Variants in GNG4 observed in about 807,000 individuals in gnomAD.
GNG4 encodes G protein subunit gamma 4.
Under a neutral mutation model 5.8 loss-of-function variants are expected in GNG4, and 4 were observed. That is an observed-to-expected ratio of 0.69 (90% confidence interval 0.34 to 1.57). The LOEUF is 1.57. Ranked by LOEUF, GNG4 falls within the 40% of genes most tolerant of loss-of-function variation. The pLI is 0.06. For missense variants in GNG4, 96 were observed against 95.1 expected (o/e 1.01, Z -0.04); for synonymous variants, 29 against 32.9 (o/e 0.88, Z 0.41).
intron 1 of GNG4, among the ~76,000 whole-genome samples, chr1:235,619,214 T>TAC (rs1408853781): frequency 5.5e-5 from 8 of 144,218 alleles, no homozygotes; most frequent in East Asian, 2.0e-4. Flanking sequence ...TATATATATA[T>TAC]ACACACACAC....
Position 235,549,778 on chromosome 1 carries a change from C to T in GNG4, c.*2331G>A, listed in dbSNP as rs10754680. On this transcript the variant is annotated 3_prime_UTR_variant, in exon 4 of 4. Coordinates refer to ENST00000391854, the MANE Select transcript of GNG4 (RefSeq NM_001098722.2). ...AAGTCATTAATTGGTCTGGAAATTA[C>T]ATTTGCCTCTTTGCAGGCAATTTTA... 85,150 of 152,114 alleles carry T rather than the reference C, an allele frequency of 0.56. 24,484 individuals are homozygous for T. Among genetic ancestry groups the T allele is most frequent in the East Asian group, 0.83 (4,288 of 5,184 alleles). 9.4% of individuals were successfully genotyped at this position (152,114 alleles called of 1,614,324 possible). A position where few individuals can be genotyped will look rare whatever the true frequency, so the allele number is the denominator to read the frequency against.
intron 1 of GNG4, among the ~76,000 whole-genome samples, chr1:235,626,588 C>T (rs144119554): frequency 6.2e-4 from 94 of 152,296 alleles, no homozygotes; most frequent in African/African-American, 2.2e-3. Context: ...ATGTCCAGCC[C>T]CACCGTCTAC....
At chr1:235,570,787 C>A (rs937032812) in intron 3 of GNG4, among the ~76,000 whole-genome samples, 2 of 151,816 alleles carry the variant, frequency 1.3e-5, no homozygotes, top group South Asian at 4.2e-4. Context: ...CCTCAACCTC[C>A]CAGGTTTAGG....
At chr1:235,599,318 TTG>T (rs1297852316) in intron 1 of GNG4, among the ~76,000 whole-genome samples, 3,384 of 111,258 alleles carry the variant, frequency 0.03, 68 homozygotes, top group African/African-American at 0.096. Flanking sequence ...GTTTTTTGGT[TTG>T]TTTTTTTTTT....
intron 3 of GNG4, among the ~76,000 whole-genome samples, chr1:235,571,197 C>T (rs1346531469): frequency 6.6e-6 from 1 of 152,084 alleles, no homozygotes; most frequent in Non-Finnish European, 1.5e-5. Flanking sequence ...AGTTTAACCC[C>T]AGTAACAGTC....
At chr1:235,625,878 A>G (rs976431471) in intron 1 of GNG4, among the ~76,000 whole-genome samples, 1 of 152,228 alleles carries the variant, frequency 6.6e-6, no homozygotes, top group Admixed American at 6.5e-5. Flanking sequence ...GGCAATTATG[A>G]ATAAAGCTGC....
chr1:235,641,589 G>A (rs1657331859), intron 1 of GNG4, among the ~76,000 whole-genome samples: 1 of 152,166 alleles, frequency 6.6e-6, no homozygotes, highest in Non-Finnish European at 1.5e-5. Context: ...CGCTAGGGAG[G>A]CTGAGGCAGG....
chr1:235,617,889 TAAA>T (rs34128028), intron 1 of GNG4, among the ~76,000 whole-genome samples: 2 of 109,708 alleles, frequency 1.8e-5, no homozygotes. Context: ...TGCCTCTATC[TAAA>T]AAAAAAAAAA....
At chr1:235,633,532 C>T (rs945046637) in intron 1 of GNG4, among the ~76,000 whole-genome samples, 7 of 152,244 alleles carry the variant, frequency 4.6e-5, no homozygotes, top group East Asian at 3.9e-4. Flanking sequence ...CTGTTGCCCA[C>T]GCTGGAGTGC....
rs900702381 is a variant in GNG4 at position 235,605,959 on chromosome 1, G to GT, written c.-122-10449_-122-10448insA. 3.7e-5 allele frequency among the ~76,000 whole-genome samples: 5 copies of GT among 133,406 alleles called. No individual in the cohort carries two copies. In the East Asian group the frequency reaches 8.4e-4, roughly 22 times the overall value. 87.5% of individuals were successfully genotyped at this position (133,406 alleles called of 152,430 possible). On this transcript the variant is annotated intron_variant, in intron 1 of 3. Transcript: ENST00000391854. ...TTATTTTTTTGATTGAGAGTGTGGG[G>GT]GGGTGGGTCTCACTGTGTTGCCCAG...
At chr1:235,563,820 G>A (rs1687129077) in intron 3 of GNG4, among the ~76,000 whole-genome samples, 1 of 152,172 alleles carries the variant, frequency 6.6e-6, no homozygotes, top group Admixed American at 6.6e-5. Flanking sequence ...TTGAGTTCCT[G>A]GCTCAGAGTG....
At chr1:235,597,399 ACC>A (rs34099056) in intron 1 of GNG4, among the ~76,000 whole-genome samples, 2 of 119,348 alleles carry the variant, frequency 1.7e-5, no homozygotes, top group Non-Finnish European at 1.8e-5. Context: ...TGTCCCCCCT[ACC>A]CCCCCCAAAT....
At chr1:235,563,076 CTCTTT>C (rs1253790249) in intron 3 of GNG4, among the ~76,000 whole-genome samples, 6 of 152,042 alleles carry the variant, frequency 3.9e-5, no homozygotes, top group South Asian at 2.1e-4. Flanking sequence ...CTTTTACATT[CTCTTT>C]TGTTTTCTGT....
intron 3 of GNG4, chr1:235,565,834 C>G (rs1687180132): frequency 6.6e-6 from 1 of 152,206 alleles, no homozygotes; most frequent in African/African-American, 2.4e-5. Context: ...TGGAGTTCAT[C>G]ATCAGCCTCA....
chr1:235,620,238 G>A (rs553331257), intron 1 of GNG4, among the ~76,000 whole-genome samples: 90 of 152,246 alleles, frequency 5.9e-4, no homozygotes, highest in East Asian at 2.5e-3. Flanking sequence ...GTTGGTGCAC[G>A]TCTGTAATCC....
At chr1:235,565,831 C>T (rs983802261) in intron 3 of GNG4, 1 of 152,202 alleles carries the variant, frequency 6.6e-6, no homozygotes, top group African/African-American at 2.4e-5. Flanking sequence ...CTATGGAGTT[C>T]ATCATCAGCC....
At chr1:235,647,513 C>A (rs1657542124) in intron 1 of GNG4, among the ~76,000 whole-genome samples, 1 of 152,138 alleles carries the variant, frequency 6.6e-6, no homozygotes, top group African/African-American at 2.4e-5. Flanking sequence ...TTGCTTTCTG[C>A]ATAAGCAGTA....
At chr1:235,612,959 C>T (rs1313958163) in intron 1 of GNG4, among the ~76,000 whole-genome samples, 4 of 152,160 alleles carry the variant, frequency 2.6e-5, no homozygotes, top group Non-Finnish European at 4.4e-5. Context: ...ACTGTGTCCT[C>T]ACATGAGGGA....
chr1:235,579,410 A>T (rs1032494534), intron 3 of GNG4, among the ~76,000 whole-genome samples: 2 of 61,604 alleles, frequency 3.2e-5, no homozygotes. Flanking sequence ...ATACATTAAT[A>T]AAAAAAAAAA....
Sources: gnomAD v4.1 joint callset for allele counts (sites outside exome capture counted in the v4.1 genomes callset) on GRCh38, gnomAD v4.1.1 for gene constraint, MANE v1.5 for transcripts, NCBI Gene and HGNC (gene_info 2026-07-23, HGNC 2026-07-21) for gene names.